The following RBFOX1 variants were observed in gnomAD, a reference collection of about 807,000 sequenced individuals.
The protein encoded by RBFOX1 is RNA binding fox-1 homolog 1, also known as RNA binding protein fox-1 homolog 1.
A neutral mutation model predicts 57.7 loss-of-function variants in RBFOX1; 8 were observed. The observed-to-expected ratio is 0.14, with a 90% CI of 0.08 to 0.25. The LOEUF is 0.25. Ranked by LOEUF, RBFOX1 falls within the 10% of genes least tolerant of loss-of-function variation. The pLI, the probability that RBFOX1 is intolerant of heterozygous loss-of-function variation, is 1.00. For synonymous variants in RBFOX1, 326 were observed against 222.4 expected, an observed-to-expected ratio of 1.47 and a Z score of -4.15; for missense variants, 611 against 548.5, an observed-to-expected ratio of 1.11 and a Z score of -1.14.
chr16:6,825,727 C>A (rs188144685), intron 3 of RBFOX1, among the ~76,000 whole-genome samples: 2 of 152,178 alleles, frequency 1.3e-5, no homozygotes, highest in African/African-American at 2.4e-5. Context: ...GGGAGGGAGG[C>A]AGGGCAGTCG....
At chr16:7,683,654 T>C (rs2075412544) in intron 14 of RBFOX1, among the ~76,000 whole-genome samples, 1 of 152,046 alleles carries the variant, frequency 6.6e-6, no homozygotes, top group Non-Finnish European at 1.5e-5. Flanking sequence ...TTACACACTT[T>C]TTAGGTCGCA....
At chr16:6,068,687 C>G (rs983352804) in intron 1 of RBFOX1, among the ~76,000 whole-genome samples, 2 of 152,150 alleles carry the variant, frequency 1.3e-5, no homozygotes, top group African/African-American at 4.8e-5. Context: ...GTCTTCAGGA[C>G]TCAGATCTTA....
chr16:7,187,461 G>A (rs900747117), intron 4 of RBFOX1, among the ~76,000 whole-genome samples: 9 of 151,326 alleles, frequency 5.9e-5, no homozygotes, highest in Non-Finnish European at 7.4e-5. Flanking sequence ...AGGCCAAGGC[G>A]GGCTAATCAC....
chr16:6,139,408 G>T (rs1039352493), intron 1 of RBFOX1, among the ~76,000 whole-genome samples: 1 of 152,166 alleles, frequency 6.6e-6, no homozygotes, highest in Non-Finnish European at 1.5e-5. Flanking sequence ...CATGTGGGAT[G>T]TTCCAGGAGA....
chr16:7,493,584 G>A (rs1217238784), intron 4 of RBFOX1, among the ~76,000 whole-genome samples: 1 of 152,174 alleles, frequency 6.6e-6, no homozygotes, highest in East Asian at 1.9e-4. Flanking sequence ...TGTAGAGTCA[G>A]AGTCAGAGAG....
chr16:5,843,719 A>T (rs766063733), intron 3 of RBFOX1, among the ~76,000 whole-genome samples: 5 of 152,232 alleles, frequency 3.3e-5, no homozygotes, highest in East Asian at 3.8e-4. Flanking sequence ...CCGGAGAGGT[A>T]AAATAACTTG....
chr16:6,100,849 C>G (rs1567455812), intron 1 of RBFOX1, among the ~76,000 whole-genome samples: 1 of 152,134 alleles, frequency 6.6e-6, no homozygotes, highest in African/African-American at 2.4e-5. Flanking sequence ...CCATCACCCT[C>G]TTATAGGAAT....
intron 4 of RBFOX1, among the ~76,000 whole-genome samples, chr16:7,191,184 A>G (rs1428532739): frequency 6.6e-6 from 1 of 152,140 alleles, no homozygotes; most frequent in East Asian, 1.9e-4. Context: ...ACCCCTTTCA[A>G]CCCCTCTCAT....
At chr16:5,533,439 C>T (rs1241426944) in intron 2 of RBFOX1, among the ~76,000 whole-genome samples, 1 of 152,126 alleles carries the variant, frequency 6.6e-6, no homozygotes, top group Non-Finnish European at 1.5e-5. Context: ...GAGTTGCAGG[C>T]ACACTGAGAG....
intron 2 of RBFOX1, among the ~76,000 whole-genome samples, chr16:6,368,932 A>G (rs2795548): frequency 6.6e-6 from 1 of 152,218 alleles, no homozygotes; most frequent in Non-Finnish European, 1.5e-5. Flanking sequence ...AAAATAAACC[A>G]GGACGAATCT....
intron 4 of RBFOX1, among the ~76,000 whole-genome samples, chr16:5,921,978 G>A (rs956355514): frequency 6.7e-6 from 1 of 149,704 alleles, no homozygotes; most frequent in African/African-American, 2.5e-5. Context: ...ACAGCTGGAC[G>A]CCATCTTCAC....
At chr16:6,023,077 T>A (rs2095115616) in intron 1 of RBFOX1, among the ~76,000 whole-genome samples, 2 of 152,138 alleles carry the variant, frequency 1.3e-5, no homozygotes, top group Non-Finnish European at 2.9e-5. Flanking sequence ...TTTGCTGATC[T>A]AATCAACAGG....
chr16:5,526,861 G>T (rs1454024283), intron 2 of RBFOX1, among the ~76,000 whole-genome samples: 1 of 152,200 alleles, frequency 6.6e-6, no homozygotes, highest in Non-Finnish European at 1.5e-5. Flanking sequence ...AAGACTCCTT[G>T]CATGGGAATC....
chr16:5,763,523 C>T (rs4325555), intron 3 of RBFOX1, among the ~76,000 whole-genome samples: 80,028 of 152,126 alleles, frequency 0.53, 23,867 homozygotes, highest in African/African-American at 0.82. Context: ...CTTTACCTTT[C>T]CTTATCCCCA....
At chr16:5,415,060 T>C (rs2067125832) in intron 1 of RBFOX1, among the ~76,000 whole-genome samples, 1 of 152,226 alleles carries the variant, frequency 6.6e-6, no homozygotes, top group African/African-American at 2.4e-5. Context: ...ATTTTACAGA[T>C]GGGTGAACTG....
At chr16:6,719,338 C>G (rs2065470249) in intron 3 of RBFOX1, among the ~76,000 whole-genome samples, 1 of 152,092 alleles carries the variant, frequency 6.6e-6, no homozygotes, top group African/African-American at 2.4e-5. Context: ...ATCAATTAAA[C>G]TCAGAAAAGA....
chr16:6,901,133 C>T (rs554955427), intron 3 of RBFOX1, among the ~76,000 whole-genome samples: 6 of 152,268 alleles, frequency 3.9e-5, no homozygotes, highest in African/African-American at 9.6e-5. Context: ...TTTGTGTTTC[C>T]TGTTAGACTG....
At chr16:6,544,567 G>T (rs983731202) in intron 2 of RBFOX1, among the ~76,000 whole-genome samples, 3 of 152,220 alleles carry the variant, frequency 2.0e-5, no homozygotes, top group African/African-American at 7.2e-5. Context: ...TTTTCTCTTA[G>T]CATTCGATCG....
chr16:6,110,783 A>G lies in RBFOX1; in HGVS notation c.-127+90791A>G, dbSNP rs534562068. 2.6e-5 allele frequency among the ~76,000 whole-genome samples: 4 copies of G among 152,244 alleles called. No individual in the cohort carries two copies. The East Asian group carries it at 7.8e-4, about 30-fold the overall frequency. On this transcript the variant is annotated intron_variant, in intron 1 of 15. Transcript: ENST00000550418. ...TAGGCCATGCCTTGAGACCTATTTC[A>G]CTGCTGCAACCAGGGAGGCAGTGCT...
Sources: gnomAD v4.1 joint callset for allele counts (sites outside exome capture counted in the v4.1 genomes callset) on GRCh38, gnomAD v4.1.1 for gene constraint, MANE v1.5 for transcripts, NCBI Gene and HGNC (gene_info 2026-07-23, HGNC 2026-07-21) for gene names.